DCC: variants seen among roughly 807,000 people sequenced by gnomAD.
DCC encodes netrin receptor DCC.
Under a neutral mutation model 172.5 loss-of-function variants are expected in DCC, and 58 were observed. The observed-to-expected ratio is 0.34, with a 90% confidence interval of 0.27 to 0.42. DCC has a LOEUF of 0.42. Ranked by LOEUF, DCC falls within the 10% of genes least tolerant of loss-of-function variation. DCC has a pLI of 1.00. For missense variants in DCC, 1,740 were observed against 1,791.0 expected (o/e 0.97, Z 0.51); for synonymous variants, 709 against 644.5 (o/e 1.10, Z -1.52).
chr18:53,489,543 C>T (rs574779791), intron 26 of DCC, among the ~76,000 whole-genome samples: 2 of 152,186 alleles, frequency 1.3e-5, no homozygotes, highest in Admixed American at 1.3e-4. Flanking sequence ...TCTTATTAGT[C>T]GCCTTGGGAA....
At chr18:52,876,275 T>C (rs894016016) in intron 2 of DCC, among the ~76,000 whole-genome samples, 2 of 152,238 alleles carry the variant, frequency 1.3e-5, no homozygotes, top group African/African-American at 2.4e-5. Context: ...TCTGACACTC[T>C]TGGTAGCTTT....
chr18:53,083,240 G>T (rs931561334), intron 7 of DCC, among the ~76,000 whole-genome samples: 19 of 152,070 alleles, frequency 1.2e-4, no homozygotes, highest in Non-Finnish European at 2.6e-4. Context: ...GACCATGAAT[G>T]AGATATACAT....
intron 5 of DCC, among the ~76,000 whole-genome samples, chr18:52,990,473 G>A (rs2041367879): frequency 6.8e-6 from 1 of 146,364 alleles, no homozygotes; most frequent in East Asian, 2.0e-4. Context: ...CTGGGAACCG[G>A]GGGTTATGGT....
chr18:52,820,847 G>A (rs2038391972), intron 2 of DCC, among the ~76,000 whole-genome samples: 1 of 152,098 alleles, frequency 6.6e-6, no homozygotes, highest in Non-Finnish European at 1.5e-5. Flanking sequence ...TAGAACACTG[G>A]AAAACGAAGA....
intron 20 of DCC, among the ~76,000 whole-genome samples, chr18:53,412,064 TG>T (rs1292823230): frequency 3.3e-5 from 5 of 152,138 alleles, no homozygotes; most frequent in Middle Eastern, 3.2e-3. Flanking sequence ...TCATAAGATT[TG>T]CAGGCCCACA....
At chr18:53,019,688 G>A (rs1426165680) in intron 5 of DCC, among the ~76,000 whole-genome samples, 1 of 152,078 alleles carries the variant, frequency 6.6e-6, no homozygotes, top group East Asian at 1.9e-4. Context: ...CCGGGAATTG[G>A]CAAATTAAGG....
chr18:53,070,030 A>C (rs2042631804), intron 7 of DCC, among the ~76,000 whole-genome samples: 2 of 150,026 alleles, frequency 1.3e-5, no homozygotes, highest in African/African-American at 2.5e-5. Flanking sequence ...CCCATGCTGG[A>C]GTGCAATGGC....
chr18:52,927,161 A>ATATACGTATATATACG (rs2040228511), intron 5 of DCC, among the ~76,000 whole-genome samples: 2 of 17,120 alleles, frequency 1.2e-4, no homozygotes, highest in African/African-American at 2.2e-4. Context: ...ATATATACGT[A>ATATACGTATATATACG]TATATGTGTA....
intron 1 of DCC, among the ~76,000 whole-genome samples, chr18:52,418,782 G>C (rs1487224994): frequency 6.6e-6 from 1 of 151,454 alleles, no homozygotes; most frequent in African/African-American, 2.4e-5. Flanking sequence ...CGACAATGTT[G>C]TATGTAGTAA....
At chr18:52,775,683 C>T (rs534286476) in intron 2 of DCC, among the ~76,000 whole-genome samples, 9 of 152,284 alleles carry the variant, frequency 5.9e-5, no homozygotes, top group African/African-American at 2.2e-4. Flanking sequence ...CCAGAGTGCT[C>T]CCTCATGCCC....
At chr18:53,512,520 G>A (rs1169527066) in intron 27 of DCC, among the ~76,000 whole-genome samples, 3 of 146,526 alleles carry the variant, frequency 2.0e-5, no homozygotes, top group African/African-American at 7.6e-5. Flanking sequence ...TCTGAGCTAC[G>A]GGAGGACATT....
chr18:53,166,453 C>T (rs987633724), intron 8 of DCC, among the ~76,000 whole-genome samples: 5 of 152,054 alleles, frequency 3.3e-5, no homozygotes, highest in Admixed American at 1.3e-4. Flanking sequence ...GTTAAGATGG[C>T]CCATCCCAAG....
At chr18:53,335,507 G>A (rs1479368783) in intron 14 of DCC, among the ~76,000 whole-genome samples, 2 of 152,100 alleles carry the variant, frequency 1.3e-5, no homozygotes, top group African/African-American at 2.4e-5. Context: ...TGTGTAACAT[G>A]TCTGCATTCA....
intron 7 of DCC, among the ~76,000 whole-genome samples, chr18:53,102,439 A>T (rs1054961001): frequency 1.3e-5 from 2 of 151,952 alleles, no homozygotes; most frequent in Non-Finnish European, 2.9e-5. Flanking sequence ...CAATTTTGTG[A>T]ATCTGTTTCC....
intron 8 of DCC, among the ~76,000 whole-genome samples, chr18:53,162,353 C>T (rs1210249263): frequency 6.6e-6 from 1 of 151,834 alleles, no homozygotes; most frequent in Non-Finnish European, 1.5e-5. Context: ...AGACCTACCA[C>T]TTCTTACCCA....
At chr18:52,891,374 A>G (rs1340578631) in intron 2 of DCC, among the ~76,000 whole-genome samples, 1 of 152,114 alleles carries the variant, frequency 6.6e-6, no homozygotes, top group African/African-American at 2.4e-5. Context: ...TTATGTCCTG[A>G]ATGATTGACA....
intron 26 of DCC, among the ~76,000 whole-genome samples, chr18:53,496,366 CTGTT>C (rs2046023603): frequency 2.0e-5 from 3 of 152,284 alleles, no homozygotes; most frequent in Middle Eastern, 3.4e-3. Flanking sequence ...AGGGGCCTGA[CTGTT>C]TGTTAGAAGG....
intron 5 of DCC, among the ~76,000 whole-genome samples, chr18:52,940,606 T>C (rs1315321211): frequency 6.6e-6 from 1 of 152,204 alleles, no homozygotes; most frequent in African/African-American, 2.4e-5. Context: ...ACAAGAATAT[T>C]TGGTAAAGCT....
chr18:52,923,567 A>G (rs1407058782), intron 3 of DCC, 140 bp from the exon 4 acceptor site: 2 of 713,000 alleles, frequency 2.8e-6, no homozygotes, highest in Admixed American at 4.3e-5. Flanking sequence ...GGATGAAAAA[A>G]ACTATTTTAG....
Sources: allele counts gnomAD v4.1 joint callset (sites outside exome capture counted in the v4.1 genomes callset), GRCh38; gene constraint gnomAD v4.1.1; transcripts MANE v1.5; gene names NCBI Gene and HGNC (gene_info 2026-07-23, HGNC 2026-07-21).